Variants in VPS13B observed in about 807,000 individuals in gnomAD.
The protein encoded by VPS13B is intermembrane lipid transfer protein VPS13B.
VPS13B carries 285 observed loss-of-function variants against 426.4 expected under a neutral mutation model. The ratio of observed to expected loss-of-function variants is 0.67; its 90% CI spans 0.61 to 0.74. VPS13B has a LOEUF of 0.74. VPS13B is among the 30% of genes least tolerant of loss of function. The pLI, the probability that VPS13B is intolerant of heterozygous loss-of-function variation, is 0.00. For missense variants in VPS13B, 4,537 were observed against 4,782.6 expected, an observed-to-expected ratio of 0.95 and a Z score of 1.51; for synonymous variants, 1,676 against 1,676.4, an observed-to-expected ratio of 1.00 and a Z score of 0.01.
intron 19 of VPS13B, among the ~76,000 whole-genome samples, chr8:99,337,442 A>T (rs1404887994): frequency 1.3e-5 from 2 of 151,956 alleles, no homozygotes; most frequent in Non-Finnish European, 2.9e-5. Context: ...GCAGCACACC[A>T]GCATGGCACA....
intron 17 of VPS13B, among the ~76,000 whole-genome samples, chr8:99,199,161 A>G (rs958087688): frequency 2.0e-5 from 3 of 152,142 alleles, no homozygotes; most frequent in Non-Finnish European, 4.4e-5. Context: ...TAATGTGTGA[A>G]AGAAGAACCA....
chr8:99,695,261 C>T (rs1470833803), intron 35 of VPS13B, among the ~76,000 whole-genome samples: 16 of 148,144 alleles, frequency 1.1e-4, no homozygotes, highest in South Asian at 4.3e-4. Context: ...ATGTTTATTG[C>T]GGCATTATTC....
intron 23 of VPS13B, among the ~76,000 whole-genome samples, chr8:99,462,306 T>A (rs530377090): frequency 6.6e-6 from 1 of 152,252 alleles, no homozygotes; most frequent in African/African-American, 2.4e-5. Flanking sequence ...TCTTGTCCAA[T>A]CAAGATAACA....
intron 54 of VPS13B, among the ~76,000 whole-genome samples, chr8:99,837,935 G>A (rs1376261380): frequency 6.6e-6 from 1 of 152,176 alleles, no homozygotes; most frequent in Non-Finnish European, 1.5e-5. Context: ...ATGCTGCAAG[G>A]AAGAAAACTC....
intron 8 of VPS13B, among the ~76,000 whole-genome samples, chr8:99,132,922 C>G (rs934034758): frequency 5.3e-5 from 8 of 152,010 alleles, no homozygotes; most frequent in Non-Finnish European, 1.2e-4. Flanking sequence ...AGAGCACAAG[C>G]AAAGTAGATT....
chr8:99,110,817 G>A (rs1302316358), intron 5 of VPS13B, among the ~76,000 whole-genome samples: 4 of 151,752 alleles, frequency 2.6e-5, no homozygotes, highest in Admixed American at 6.6e-5. Flanking sequence ...AAAAAAATTT[G>A]TAGTTAATGT....
chr8:99,251,863 G>A (rs1383337511), intron 17 of VPS13B, among the ~76,000 whole-genome samples: 3 of 151,908 alleles, frequency 2.0e-5, no homozygotes, highest in East Asian at 1.9e-4. Context: ...TTCAAATTTT[G>A]TGTGTAGAGT....
chr8:99,512,206 T>A (rs1186237947), intron 29 of VPS13B, among the ~76,000 whole-genome samples: 1 of 152,218 alleles, frequency 6.6e-6, no homozygotes, highest in Non-Finnish European at 1.5e-5. Context: ...AGATGTGAAA[T>A]TACTATTCTC....
chr8:99,521,080 C>G, intron 30 of VPS13B, 70 bp downstream of exon 30: 1 of 1,203,252 alleles, frequency 8.3e-7, no homozygotes, highest in Middle Eastern at 1.9e-4. Flanking sequence ...TGGTCAATAA[C>G]TTAGTGTGGC....
chr8:99,512,507 C>T (rs1451060375), intron 29 of VPS13B, among the ~76,000 whole-genome samples: 1 of 151,964 alleles, frequency 6.6e-6, no homozygotes, highest in African/African-American at 2.4e-5. Context: ...CAGATAATTC[C>T]CTGAGGACTG....
rs1816200769 is a variant in VPS13B at position 99,418,591 on chromosome 8, C to T, written c.3083-12946C>T. The stretch of plus-strand genomic sequence containing the variant: ...TGACATGGATTTTTGCTCTGTAACC[C>T]AGGCTGGAGTGCATTGGTCCCATCT... On this transcript the variant is annotated intron_variant, in intron 21 of 61. Coordinates refer to ENST00000357162, the MANE Select transcript of VPS13B (RefSeq NM_152564.5). Among the ~76,000 whole-genome samples the T allele has an allele frequency of 1.3e-5, 2 of 149,352 alleles. 1 individual carries two copies. Among genetic ancestry groups the T allele is most frequent in the Middle Eastern group, 6.9e-3 (2 of 290 alleles).
At chr8:99,454,252 A>G (rs1818341182) in intron 23 of VPS13B, among the ~76,000 whole-genome samples, 1 of 149,794 alleles carries the variant, frequency 6.7e-6, no homozygotes, top group Admixed American at 6.7e-5. Context: ...TGGCACAATC[A>G]TAGCTCACTG....
intron 19 of VPS13B, among the ~76,000 whole-genome samples, chr8:99,376,156 G>A (rs764552753): frequency 6.6e-6 from 1 of 152,174 alleles, no homozygotes; most frequent in Non-Finnish European, 1.5e-5. Context: ...TTTCTCATTA[G>A]TTGTCTCCCA....
chr8:99,373,391 TTA>T (rs1366542000), intron 19 of VPS13B, among the ~76,000 whole-genome samples: 1 of 152,084 alleles, frequency 6.6e-6, no homozygotes, highest in East Asian at 1.9e-4. Context: ...ATAATTATCT[TTA>T]TTATTTTAGT....
intron 19 of VPS13B, among the ~76,000 whole-genome samples, chr8:99,360,085 A>G (rs1189363156): frequency 6.9e-6 from 1 of 145,056 alleles, no homozygotes; most frequent in Non-Finnish European, 1.5e-5. Context: ...TACAGGCATG[A>G]GTCACTGTGC....
At position 99,442,542 on chromosome 8, in the gene VPS13B, T is replaced by A; in HGVS notation, c.3352T>A (p.Leu1118Met). 6.2e-7 allele frequency: 1 copy of A among 1,613,976 alleles called. No homozygotes were observed. Among genetic ancestry groups the A allele is most frequent in the Admixed American group, 1.7e-5 (1 of 60,010 alleles). ...CATGCCGGGAACACTTGTCCTCTGTTTGCCTCAAATAAAGATTATTAGTGC... is the reference window on the plus strand; with the variant it reads ...CATGCCGGGAACACTTGTCCTCTGTATGCCTCAAATAAAGATTATTAGTGC... ...TSMPGTLVLC[L>M]PQIKIISAGH... The change falls in exon 23 of 62, where the codon TTG becomes ATG. Residue 1118 changes from leucine (L) to methionine (M), a missense_variant. By Grantham distance (15) the Leu-to-Met change is conservative (BLOSUM62 2). Around this residue, in one of 2 missense-constraint regions of VPS13B, gnomAD observed 4,311 missense variants for 4,474.3 expected, o/e 0.96. Transcript: ENST00000357162.
intron 34 of VPS13B, among the ~76,000 whole-genome samples, chr8:99,658,431 C>A (rs950956846): frequency 6.6e-6 from 1 of 152,076 alleles, no homozygotes; most frequent in Non-Finnish European, 1.5e-5. Context: ...AAATGCTTAA[C>A]CTGCTTGCTT....
chr8:99,662,949 T>G (rs1209326191), intron 35 of VPS13B, among the ~76,000 whole-genome samples: 1 of 152,132 alleles, frequency 6.6e-6, no homozygotes, highest in African/African-American at 2.4e-5. Flanking sequence ...TTCCAGCTAC[T>G]CTGGAGGCTG....
chr8:99,805,730 C>T (rs1418225385), intron 43 of VPS13B, among the ~76,000 whole-genome samples: 2 of 152,192 alleles, frequency 1.3e-5, no homozygotes, highest in African/African-American at 2.4e-5. Flanking sequence ...GACCTTCCAT[C>T]GAGTGTGGCC....
Sources: gnomAD v4.1 joint callset for allele counts (sites outside exome capture counted in the v4.1 genomes callset) on GRCh38, gnomAD v4.1.1 for gene constraint, gnomAD v4.1.1 regional missense constraint, MANE v1.5 for transcripts, NCBI Gene and HGNC (gene_info 2026-07-23, HGNC 2026-07-21) for gene names.